The following CNIH3 variants were observed in gnomAD, a reference collection of about 807,000 sequenced individuals.
CNIH3 encodes the protein cornichon family AMPA receptor auxiliary protein 3, also known as protein cornichon homolog 3.
In CNIH3, 14 loss-of-function variants were observed where a neutral mutation model predicts 24.1. That is an observed-to-expected ratio of 0.58 (90% CI 0.38 to 0.91). CNIH3 has a LOEUF of 0.91. Ranked by LOEUF, CNIH3 falls within the 40% of genes least tolerant of loss-of-function variation. The pLI is 0.00. For missense variants in CNIH3, 178 were observed against 196.8 expected (o/e 0.90, Z 0.57); for synonymous variants, 68 against 73.8 (o/e 0.92, Z 0.40).
chr1:224,613,792 C>T (rs577847236), upstream of CNIH3, among the ~76,000 whole-genome samples: 6 of 152,276 alleles, frequency 3.9e-5, no homozygotes, highest in South Asian at 4.1e-4. Context: ...CCCCCGAAGC[C>T]GAGCAAATGC....
chr1:224,472,681 C>A (rs1473552569), intron 1 of CNIH3, among the ~76,000 whole-genome samples: 1 of 152,162 alleles, frequency 6.6e-6, no homozygotes, highest in Non-Finnish European at 1.5e-5. Flanking sequence ...ACGCTGGGCA[C>A]AGTGTACACT....
chr1:224,724,231 C>T (rs1202109450), intron 3 of CNIH3, among the ~76,000 whole-genome samples: 4 of 152,182 alleles, frequency 2.6e-5, no homozygotes, highest in African/African-American at 9.7e-5. Flanking sequence ...CCACTCAAGT[C>T]GACCCAACCC....
upstream of CNIH3, chr1:224,615,088 C>G (rs925484341): frequency 6.6e-6 from 1 of 152,190 alleles, no homozygotes; most frequent in Non-Finnish European, 1.5e-5. Context: ...AGCTGTATCT[C>G]TATCTTGCTG....
chr1:224,733,912 G>A (rs576883146), intron 4 of CNIH3, among the ~76,000 whole-genome samples: 58 of 152,334 alleles, frequency 3.8e-4, no homozygotes, highest in African/African-American at 1.3e-3. Flanking sequence ...CTCCTCAGGG[G>A]CTGTGGCCAG....
intron 1 of CNIH3, among the ~76,000 whole-genome samples, chr1:224,465,856 C>T (rs1249354139): frequency 6.6e-6 from 1 of 152,012 alleles, no homozygotes; most frequent in East Asian, 1.9e-4. Context: ...AGTGAAACCC[C>T]ATCTCCACTA....
In CNIH3 at chr1:224,689,586, C is replaced by T. The variant is rs186891227; in HGVS notation, c.198+4743C>T. ...AGCTGTGAGCACATGTTGGGGATGGCGGGGAGGGTTAATGGGTCTAGTTAG... is the reference window on the plus strand; with the variant it reads ...AGCTGTGAGCACATGTTGGGGATGGTGGGGAGGGTTAATGGGTCTAGTTAG... On this transcript the variant is annotated intron_variant, in intron 3 of 5. Coordinates refer to ENST00000272133, the MANE Select transcript of CNIH3 (RefSeq NM_152495.2). 6.6e-3 allele frequency among the ~76,000 whole-genome samples: 1,003 copies of T among 152,210 alleles called. 11 individuals carry two copies. Among genetic ancestry groups the T allele is most frequent in the African/African-American group, 0.023 (936 of 41,532 alleles).
intron 1 of CNIH3, among the ~76,000 whole-genome samples, chr1:224,635,641 CA>C (rs1466625198): frequency 6.6e-6 from 1 of 152,236 alleles, no homozygotes; most frequent in African/African-American, 2.4e-5. Context: ...CCACAGCATG[CA>C]AAAGTTTGGT....
chr1:224,499,428 C>T (rs80132952), intron 1 of CNIH3, among the ~76,000 whole-genome samples: 3 of 152,212 alleles, frequency 2.0e-5, no homozygotes, highest in Non-Finnish European at 4.4e-5. Flanking sequence ...CTTTACCAGC[C>T]GAGACTCATG....
intron 1 of CNIH3, among the ~76,000 whole-genome samples, chr1:224,630,001 A>G (rs1360514491): frequency 6.6e-6 from 1 of 152,204 alleles, no homozygotes; most frequent in East Asian, 1.9e-4. Context: ...CCGATATTTT[A>G]TTGAAGACAA....
At chr1:224,635,675 G>A (rs189054105) in intron 1 of CNIH3, among the ~76,000 whole-genome samples, 63 of 152,300 alleles carry the variant, frequency 4.1e-4, no homozygotes, top group African/African-American at 1.5e-3. Flanking sequence ...CTACTTCTTA[G>A]CTTAGTCCAT....
chr1:224,467,887 C>CT (rs970516019), intron 1 of CNIH3, among the ~76,000 whole-genome samples: 4 of 147,858 alleles, frequency 2.7e-5, no homozygotes, highest in South Asian at 2.1e-4. Flanking sequence ...TGAGGCTCTT[C>CT]TTTTTTTTTC....
intron 1 of CNIH3, among the ~76,000 whole-genome samples, chr1:224,622,392 A>G (rs769022909): frequency 1.3e-5 from 2 of 152,206 alleles, no homozygotes; most frequent in Admixed American, 1.3e-4. Context: ...CCTGGAGAGA[A>G]CACCTTCTGG....
intron 3 of CNIH3, among the ~76,000 whole-genome samples, chr1:224,729,136 G>A (rs192193653): frequency 1.5e-4 from 23 of 152,190 alleles, no homozygotes; most frequent in African/African-American, 5.3e-4. Context: ...TGAGGCTGGG[G>A]ACGGTGGCTC....
intron 1 of CNIH3, among the ~76,000 whole-genome samples, chr1:224,648,959 C>G (rs1022772013): frequency 6.6e-6 from 1 of 152,138 alleles, no homozygotes; most frequent in African/African-American, 2.4e-5. Flanking sequence ...AATCTACCAC[C>G]CTTTGTTCCC....
At chr1:224,607,120 T>A (rs1486055729) in intron 3 of CNIH3, among the ~76,000 whole-genome samples, 1 of 152,240 alleles carries the variant, frequency 6.6e-6, no homozygotes, top group African/African-American at 2.4e-5. Context: ...TACAAGGGCA[T>A]GCAAAGCAAC....
chr1:224,482,046 A>T (rs981603128), intron 1 of CNIH3, among the ~76,000 whole-genome samples: 1 of 152,124 alleles, frequency 6.6e-6, no homozygotes, highest in African/African-American at 2.4e-5. Context: ...GAGCAGTGCT[A>T]GGATACTGCG....
chr1:224,710,026 T>A (rs954043360), intron 3 of CNIH3, among the ~76,000 whole-genome samples: 6 of 152,246 alleles, frequency 3.9e-5, no homozygotes, highest in Admixed American at 6.5e-5. Flanking sequence ...AGAAAAATTA[T>A]AACAACATAC....
chr1:224,516,500 T>C (rs1678389262), intron 1 of CNIH3, among the ~76,000 whole-genome samples: 1 of 152,016 alleles, frequency 6.6e-6, no homozygotes, highest in African/African-American at 2.4e-5. Flanking sequence ...CATCCTTGTG[T>C]TTTCAAAGCC....
chr1:224,667,870 C>T (rs1685671075), intron 1 of CNIH3, among the ~76,000 whole-genome samples: 1 of 151,980 alleles, frequency 6.6e-6, no homozygotes, highest in Non-Finnish European at 1.5e-5. Flanking sequence ...TTTGAGGTGA[C>T]ATGGTCAAGT....
Sources: gnomAD v4.1 joint callset for allele counts (sites outside exome capture counted in the v4.1 genomes callset) on GRCh38, gnomAD v4.1.1 for gene constraint, MANE v1.5 for transcripts, NCBI Gene and HGNC (gene_info 2026-07-23, HGNC 2026-07-21) for gene names.